RHBDL2: variants seen among roughly 807,000 people sequenced by gnomAD.
The protein encoded by RHBDL2 is rhomboid-related protein 2.
In RHBDL2, 26 loss-of-function variants were observed where a neutral mutation model predicts 31.7. The observed-to-expected ratio is 0.82, with a 90% confidence interval of 0.60 to 1.14. The LOEUF (loss-of-function observed/expected upper bound fraction) is 1.14, where lower values mean the gene tolerates loss of function less well. Ranked by LOEUF, RHBDL2 falls within the 50% of genes most tolerant of loss-of-function variation. RHBDL2 has a pLI of 0.00. For missense variants in RHBDL2, 336 were observed against 364.4 expected (o/e 0.92, Z 0.63); for synonymous variants, 123 against 127.2 (o/e 0.97, Z 0.22).
chr1:38,927,590 C>A lies in RHBDL2; in HGVS notation c.-125-8253G>T, dbSNP rs986528595. ...CCATCTGCCTTTGAAGAATAGCCTGCCTTGTGTTTGACACTATAAAGACCT... is the reference window on the plus strand; with the variant it reads ...CCATCTGCCTTTGAAGAATAGCCTGACTTGTGTTTGACACTATAAAGACCT... On this transcript the variant is annotated intron_variant, in intron 1 of 7. Coordinates refer to ENST00000372990, the MANE Select transcript of RHBDL2 (RefSeq NM_017821.5). 3.3e-5 allele frequency among the ~76,000 whole-genome samples: 5 copies of A among 152,272 alleles called. No individual in the cohort carries two copies. The South Asian group carries it at 6.2e-4, about 19-fold the overall frequency.
intron 1 of RHBDL2, among the ~76,000 whole-genome samples, chr1:38,936,502 T>C (rs897371093): frequency 4.3e-5 from 4 of 93,608 alleles, no homozygotes; most frequent in African/African-American, 3.2e-4. Flanking sequence ...GCTTTTTGGG[T>C]TTTTTTTTTT....
chr1:38,925,371 G>C lies in RHBDL2; in HGVS notation c.-125-6034C>G, dbSNP rs369842426. 1.2e-3 allele frequency among the ~76,000 whole-genome samples: 182 copies of C among 152,106 alleles called. 1 individual carries two copies. The highest frequency in any genetic ancestry group is 3.9e-3 in the African/African-American group (161 of 41,496). On this transcript the variant is annotated intron_variant, in intron 1 of 7. Coordinates refer to ENST00000372990, the MANE Select transcript of RHBDL2 (RefSeq NM_017821.5). ...AAATTAGCCGGCAGTGGTGGCATGTGCCTGTAATCCCAGCTACTCGGGAGG... is the reference window on the plus strand; with the variant it reads ...AAATTAGCCGGCAGTGGTGGCATGTCCCTGTAATCCCAGCTACTCGGGAGG...
At chr1:38,929,393 A>G in intron 1 of RHBDL2, 4 of 1,289,252 alleles carry the variant, frequency 3.1e-6, no homozygotes, top group Non-Finnish European at 3.0e-6. Flanking sequence ...AATCAGGCTC[A>G]CCTTCCCTTC....
At chr1:38,924,435 A>T (rs1643350037) in intron 1 of RHBDL2, among the ~76,000 whole-genome samples, 1 of 152,120 alleles carries the variant, frequency 6.6e-6, no homozygotes, top group Non-Finnish European at 1.5e-5. Context: ...TCCACTAAAA[A>T]TACAAAAAAT....
chr1:38,910,800 C>G (rs192189259), intron 4 of RHBDL2, among the ~76,000 whole-genome samples: 1 of 133,988 alleles, frequency 7.5e-6, no homozygotes, highest in East Asian at 2.2e-4. Flanking sequence ...GAGACAGAGT[C>G]TCGCTCTGTT....
chr1:38,940,084 A>C (rs72938879), intron 1 of RHBDL2, among the ~76,000 whole-genome samples: 3,109 of 152,296 alleles, frequency 0.02, 104 homozygotes, highest in African/African-American at 0.071. Context: ...CTTATTAGCC[A>C]TGTGACCTTA....
intron 2 of RHBDL2, among the ~76,000 whole-genome samples, chr1:38,917,759 C>T (rs1643259070): frequency 6.6e-6 from 1 of 152,222 alleles, no homozygotes; most frequent in South Asian, 2.1e-4. Context: ...TACACCTTAG[C>T]CTTACCTTTG....
intron 1 of RHBDL2, among the ~76,000 whole-genome samples, chr1:38,923,897 G>A (rs1570937471): frequency 1.3e-5 from 2 of 152,080 alleles, no homozygotes; most frequent in South Asian, 2.1e-4. Context: ...GCACTGCTGC[G>A]AGAAGTTCTC....
At chr1:38,903,081 A>C (rs1004277138) in intron 4 of RHBDL2, among the ~76,000 whole-genome samples, 1 of 152,208 alleles carries the variant, frequency 6.6e-6, no homozygotes, top group Admixed American at 6.6e-5. Flanking sequence ...CACAAGATCT[A>C]TATACAAAAT....
chr1:38,915,322 A>G (rs1351180131), intron 3 of RHBDL2, among the ~76,000 whole-genome samples: 1 of 151,704 alleles, frequency 6.6e-6, no homozygotes, highest in African/African-American at 2.4e-5. Flanking sequence ...ATGGGGTTTC[A>G]CTATATCAGC....
chr1:38,891,535 G>C (rs1642854836), intron 6 of RHBDL2, among the ~76,000 whole-genome samples: 1 of 152,186 alleles, frequency 6.6e-6, no homozygotes, highest in African/African-American at 2.4e-5. Flanking sequence ...TTCTGGGTGT[G>C]ACCCTGAACA....
At chr1:38,929,304 T>A in intron 1 of RHBDL2, 3 of 902,968 alleles carry the variant, frequency 3.3e-6, no homozygotes, top group Non-Finnish European at 4.6e-6. Flanking sequence ...CCATCCCCAC[T>A]GCTACGACGA....
At chr1:38,894,552 A>G (rs983901900) in intron 5 of RHBDL2, among the ~76,000 whole-genome samples, 2 of 151,584 alleles carry the variant, frequency 1.3e-5, no homozygotes, top group Non-Finnish European at 2.9e-5. Flanking sequence ...CGATCTCTTG[A>G]CCTTGTGATC....
At chr1:38,940,947 A>T (rs2124361086) in intron 1 of RHBDL2, among the ~76,000 whole-genome samples, 1 of 152,240 alleles carries the variant, frequency 6.6e-6, no homozygotes. Context: ...TAAACAGGAG[A>T]TATGGGATAA....
At chr1:38,898,408 T>C (rs1642946549) in intron 4 of RHBDL2, among the ~76,000 whole-genome samples, 1 of 152,224 alleles carries the variant, frequency 6.6e-6, no homozygotes, top group South Asian at 2.1e-4. Flanking sequence ...AGAAATTTAT[T>C]TTTAAAATAG....
chr1:38,925,829 C>T (rs1399126663), intron 1 of RHBDL2: 2 of 497,752 alleles, frequency 4.0e-6, no homozygotes, highest in Admixed American at 8.2e-5. Context: ...ATGCAAACTA[C>T]ATAAAGGATA....
intron 4 of RHBDL2, among the ~76,000 whole-genome samples, chr1:38,902,200 T>C (rs1290168399): frequency 8.1e-6 from 1 of 124,016 alleles, no homozygotes; most frequent in African/African-American, 2.7e-5. Flanking sequence ...TTTTTCTTTT[T>C]CTTTTTTTTT....
intron 1 of RHBDL2, among the ~76,000 whole-genome samples, chr1:38,931,296 C>A (rs911800593): frequency 1.2e-4 from 19 of 152,082 alleles, no homozygotes; most frequent in Non-Finnish European, 8.8e-5. Flanking sequence ...CCGAGGTGGG[C>A]AGATCACGAG....
chr1:38,940,532 G>C (rs2124360785), intron 1 of RHBDL2, among the ~76,000 whole-genome samples: 1 of 152,224 alleles, frequency 6.6e-6, no homozygotes, highest in African/African-American at 2.4e-5. Context: ...CCCGTCACTG[G>C]CCAGTTCTGT....
Sources: gnomAD v4.1 joint callset for allele counts (sites outside exome capture counted in the v4.1 genomes callset) on GRCh38, gnomAD v4.1.1 for gene constraint, MANE v1.5 for transcripts, NCBI Gene and HGNC (gene_info 2026-07-23, HGNC 2026-07-21) for gene names.